Variants in DPP6 observed in about 807,000 individuals in gnomAD.
DPP6 encodes the protein A-type potassium channel modulatory protein DPP6.
A neutral mutation model predicts 122.6 loss-of-function variants in DPP6; 69 were observed. The observed-to-expected ratio is 0.56, with a 90% CI of 0.46 to 0.69. The LOEUF (loss-of-function observed/expected upper bound fraction) is 0.69. Ranked by LOEUF, DPP6 falls within the 30% of genes least tolerant of loss-of-function variation. The pLI is 0.00. For synonymous variants in DPP6, 418 were observed against 433.1 expected, an observed-to-expected ratio of 0.97 and a Z score of 0.43; for missense variants, 928 against 1,116.9, an observed-to-expected ratio of 0.83 and a Z score of 2.41.
chr7:154,361,602 C>CAAA (rs1811726609), intron 1 of DPP6, among the ~76,000 whole-genome samples: 1 of 94,322 alleles, frequency 1.1e-5, no homozygotes, highest in Non-Finnish European at 2.0e-5. Flanking sequence ...TAATTGCTAG[C>CAAA]CAAAAAAAAA....
chr7:154,267,702 T>C (rs1031047735), intron 1 of DPP6, among the ~76,000 whole-genome samples: 1 of 140,094 alleles, frequency 7.1e-6, no homozygotes, highest in African/African-American at 2.7e-5. Context: ...TAAACACATA[T>C]ACACACGTAT....
the DPP6 span, among the ~76,000 whole-genome samples, chr7:153,783,416 G>A: frequency 2.6e-5 from 4 of 152,150 alleles, no homozygotes; most frequent in African/African-American, 9.6e-5. Flanking sequence ...ACAGCCTGGG[G>A]GGAACCACAC....
intron 10 of DPP6, among the ~76,000 whole-genome samples, chr7:154,775,108 C>T (rs571339332): frequency 5.9e-5 from 9 of 152,268 alleles, no homozygotes; most frequent in Non-Finnish European, 1.0e-4. Flanking sequence ...CAAATGTCTC[C>T]AGCATTGCCC....
chr7:154,289,856 T>G (rs1805091464), intron 1 of DPP6, among the ~76,000 whole-genome samples: 1 of 152,164 alleles, frequency 6.6e-6, no homozygotes, highest in Admixed American at 6.5e-5. Flanking sequence ...GAGGCTAGAT[T>G]CCCTGAATCC....
intron 5 of DPP6, among the ~76,000 whole-genome samples, chr7:154,633,737 G>C (rs1223807180): frequency 6.6e-6 from 1 of 152,150 alleles, no homozygotes; most frequent in Non-Finnish European, 1.5e-5. Context: ...CAGTTCTTTT[G>C]GCTTGATGTT....
At chr7:154,448,107 G>A (rs1374898168) in intron 2 of DPP6, among the ~76,000 whole-genome samples, 3 of 151,786 alleles carry the variant, frequency 2.0e-5, no homozygotes, top group African/African-American at 2.4e-5. Context: ...ACAAAAACAA[G>A]GACAACCAGA....
chr7:154,595,726 G>A (rs1304175117), intron 5 of DPP6, among the ~76,000 whole-genome samples: 1 of 152,248 alleles, frequency 6.6e-6, no homozygotes, highest in African/African-American at 2.4e-5. Context: ...AAAGGAGGCT[G>A]TGCCTCACTG....
At chr7:154,472,937 T>C (rs1265295035) in intron 2 of DPP6, among the ~76,000 whole-genome samples, 7 of 152,228 alleles carry the variant, frequency 4.6e-5, no homozygotes, top group African/African-American at 9.6e-5. Context: ...ATAAAATACA[T>C]GTATAGAAAG....
chr7:154,160,583 G>A (rs1796930860), intron 1 of DPP6, among the ~76,000 whole-genome samples: 2 of 152,152 alleles, frequency 1.3e-5, no homozygotes, highest in Admixed American at 1.3e-4. Context: ...GCGCTTAGAA[G>A]CTCCCTTCAT....
intron 1 of DPP6, among the ~76,000 whole-genome samples, chr7:154,170,130 G>A (rs1484516597): frequency 6.6e-6 from 1 of 152,096 alleles, no homozygotes; most frequent in Non-Finnish European, 1.5e-5. Context: ...CATTTTGTAG[G>A]TTGCACTGAT....
At chr7:154,135,735 T>C (rs1224418016) in intron 1 of DPP6, among the ~76,000 whole-genome samples, 1 of 151,686 alleles carries the variant, frequency 6.6e-6, no homozygotes, top group Admixed American at 6.6e-5. Context: ...ATGCACTTAT[T>C]CTGAGCACAC....
chr7:153,848,015 C>A, the DPP6 span, among the ~76,000 whole-genome samples: 1 of 152,128 alleles, frequency 6.6e-6, no homozygotes, highest in African/African-American at 2.4e-5. Flanking sequence ...TTGCCAGGCC[C>A]AACCCGCAGA....
intron 1 of DPP6, among the ~76,000 whole-genome samples, chr7:154,099,185 G>A (rs1805560143): frequency 6.6e-6 from 1 of 152,180 alleles, no homozygotes; most frequent in Non-Finnish European, 1.5e-5. Context: ...CTATTATCCT[G>A]CCTTTATGTG....
chr7:154,554,359 T>A (rs959214047), intron 4 of DPP6, among the ~76,000 whole-genome samples: 7 of 151,890 alleles, frequency 4.6e-5, no homozygotes, highest in African/African-American at 1.7e-4. Flanking sequence ...TTTAGGGTTT[T>A]TTTTCATTAT....
the DPP6 span, among the ~76,000 whole-genome samples, chr7:153,828,374 A>C: frequency 6.6e-6 from 1 of 152,146 alleles, no homozygotes; most frequent in Non-Finnish European, 1.5e-5. Flanking sequence ...ATGACCCAAA[A>C]TGATACACGC....
chr7:154,306,120 G>C (rs1806320443), intron 1 of DPP6, among the ~76,000 whole-genome samples: 1 of 152,202 alleles, frequency 6.6e-6, no homozygotes, highest in Non-Finnish European at 1.5e-5. Context: ...GAAGCCGAAG[G>C]ATAGACGGTC....
intron 1 of DPP6, among the ~76,000 whole-genome samples, chr7:154,091,656 AG>A (rs1192700366): frequency 6.6e-6 from 1 of 151,992 alleles, no homozygotes; most frequent in Non-Finnish European, 1.5e-5. Context: ...CCTAAGAGAA[AG>A]GATAAGGTCC....
chr7:154,377,310 G>C (rs1813212388), intron 1 of DPP6, among the ~76,000 whole-genome samples: 1 of 152,126 alleles, frequency 6.6e-6, no homozygotes, highest in Admixed American at 6.5e-5. Context: ...ACATCCCAAG[G>C]GCAGGAAGTG....
At chr7:153,801,795 C>A in the DPP6 span, among the ~76,000 whole-genome samples, 1 of 152,122 alleles carries the variant, frequency 6.6e-6, no homozygotes, top group Non-Finnish European at 1.5e-5. Flanking sequence ...ATTCAGAGAG[C>A]CCTTGAGGCA....
Sources: gnomAD v4.1 joint callset for allele counts (sites outside exome capture counted in the v4.1 genomes callset) on GRCh38, gnomAD v4.1.1 for gene constraint, MANE v1.5 for transcripts, NCBI Gene and HGNC (gene_info 2026-07-23, HGNC 2026-07-21) for gene names.